The following ATP13A3 variants were observed in gnomAD, a reference collection of about 807,000 sequenced individuals.
The protein encoded by ATP13A3 is ATPase 13A3, also known as polyamine-transporting ATPase 13A3.
Under a neutral mutation model 158.1 loss-of-function variants are expected in ATP13A3, and 59 were observed. The ratio of observed to expected loss-of-function variants is 0.37; its 90% CI spans 0.30 to 0.46. ATP13A3 has a LOEUF of 0.46. Ranked by LOEUF, ATP13A3 falls within the 20% of genes least tolerant of loss-of-function variation. The pLI is 1.00. For synonymous variants in ATP13A3, 491 were observed against 504.3 expected, an observed-to-expected ratio of 0.97 and a Z score of 0.35; for missense variants, 1,166 against 1,525.2, an observed-to-expected ratio of 0.76 and a Z score of 3.92.
At chr3:194,449,306 A>T (rs1375247907) in intron 11 of ATP13A3, among the ~76,000 whole-genome samples, 2 of 152,182 alleles carry the variant, frequency 1.3e-5, no homozygotes, top group Non-Finnish European at 2.9e-5. Flanking sequence ...ACGACTCTTA[A>T]CAGTTTCAAA....
chr3:194,438,898 T>C lies in ATP13A3; in HGVS notation c.1785A>G (p.Lys595=). 1.9e-6 allele frequency: 3 copies of C among 1,610,078 alleles called. No individual in the cohort carries two copies. The South Asian group carries it at 3.3e-5, about 18-fold the overall frequency. The change falls in exon 17 of 34, where the codon AAA becomes AAG. Residue 595 remains lysine, a synonymous_variant. Coordinates refer to ENST00000645319, the MANE Select transcript of ATP13A3 (RefSeq NM_001367549.1). ...RIMPTVVRPP[K]QLLPESTPAG... Reference sequence around the variant, plus strand: ...CAGGGGTAGATTCAGGAAGCAGTTGTTTGGGAGGACGAACCACTGTGGGCA... The same window carrying C: ...CAGGGGTAGATTCAGGAAGCAGTTGCTTGGGAGGACGAACCACTGTGGGCA...
chr3:194,461,602 G>A (rs1393973469), intron 3 of ATP13A3, among the ~76,000 whole-genome samples: 1 of 152,058 alleles, frequency 6.6e-6, no homozygotes, highest in Non-Finnish European at 1.5e-5. Context: ...AAATGCAGGT[G>A]GCCCACTTAA....
At chr3:194,454,823 C>CAAA (rs397875989) in intron 8 of ATP13A3, among the ~76,000 whole-genome samples, 1 of 62,156 alleles carries the variant, frequency 1.6e-5, no homozygotes, top group Non-Finnish European at 3.3e-5. Context: ...GACTCCGTCT[C>CAAA]AAAAAAAAAA....
At chr3:194,422,478 G>A (rs1289083735) in intron 30 of ATP13A3, among the ~76,000 whole-genome samples, 3 of 152,168 alleles carry the variant, frequency 2.0e-5, no homozygotes, top group Non-Finnish European at 4.4e-5. Context: ...ACAAAGCTAT[G>A]TGAATCTAAA....
At position 194,430,291 on chromosome 3, in the gene ATP13A3, A is replaced by G. The variant is rs749408189; in HGVS notation, c.2649T>C (p.Asp883=). ...NVDYFVGMCG[D]GANDCGALKR... Reference sequence around the variant, plus strand: ...TACTTACACCACAATCATTTGCGCCATCACCACACATCCCAACAAAATAAC... The same window carrying G: ...TACTTACACCACAATCATTTGCGCCGTCACCACACATCCCAACAAAATAAC... The change falls in exon 25 of 34, where the codon GAT becomes GAC. Residue 883 remains aspartate, a synonymous_variant. Transcript: ENST00000645319. 1.2e-6 allele frequency: 2 copies of G among 1,613,890 alleles called. No homozygotes were observed. Among genetic ancestry groups the G allele is most frequent in the East Asian group, 2.2e-5 (1 of 44,872 alleles).
chr3:194,456,735 G>A (rs1293483785), intron 7 of ATP13A3, among the ~76,000 whole-genome samples: 1 of 151,948 alleles, frequency 6.6e-6, no homozygotes, highest in Non-Finnish European at 1.5e-5. Flanking sequence ...TCAATTGTAA[G>A]GCATACCATT....
chr3:194,404,748 A>AC lies in ATP13A3; in HGVS notation c.*1170_*1171insG, dbSNP rs954146244. The AC allele has an allele frequency of 2.0e-5, 3 of 151,936 alleles. No homozygotes were observed. The highest frequency in any genetic ancestry group is 7.3e-5 in the African/African-American group (3 of 41,362). The allele number at this position is 151,936 out of a possible 1,614,324, so 9.4% of individuals were successfully genotyped here. A position where few individuals can be genotyped will look rare whatever the true frequency, so the allele number is the denominator to read the frequency against. On this transcript the variant is annotated 3_prime_UTR_variant, in exon 34 of 34. Transcript: ENST00000645319. ...TCAATTTTTTAACTTTATTTCCTCA[A>AC]TTTTTTTTCTCCCAGAAATTTCCGC...
upstream of ATP13A3, among the ~76,000 whole-genome samples, chr3:194,490,444 A>G (rs1041888633): frequency 2.6e-5 from 4 of 152,166 alleles, no homozygotes; most frequent in African/African-American, 9.7e-5. The surrounding 1 kb of genome is among the most constrained non-coding windows in gnomAD (Gnocchi z 4.4). Context: ...CTTTGCTGTT[A>G]GTTTTGATAA....
At position 194,416,445 on chromosome 3, in the gene ATP13A3, G is replaced by A. The variant is rs376534078; in HGVS notation, c.3403-2606C>T. ...TGCACTCCAGCCTGGGCGACAGAGC[G>A]AGACTCCATCTCAAAAAAAAAAGCA... On this transcript the variant is annotated intron_variant, in intron 31 of 33. Transcript: ENST00000645319. 3.6e-4 allele frequency among the ~76,000 whole-genome samples: 54 copies of A among 151,744 alleles called. No individual in the cohort carries two copies. In the East Asian group the frequency reaches 5.4e-3, roughly 15 times the overall value.
At chr3:194,415,068 G>C (rs933864495) in intron 31 of ATP13A3, among the ~76,000 whole-genome samples, 1 of 152,190 alleles carries the variant, frequency 6.6e-6, no homozygotes, top group African/African-American at 2.4e-5. Context: ...AGAGGGAGTG[G>C]AGCCAAAGTG....
intron 14 of ATP13A3, among the ~76,000 whole-genome samples, chr3:194,446,044 C>T (rs1343674152): frequency 1.3e-5 from 2 of 148,310 alleles, no homozygotes; most frequent in African/African-American, 4.9e-5. Context: ...ATAAGAATTA[C>T]TGTCTAAAAA....
At chr3:194,435,647 G>A (rs188571134) in intron 20 of ATP13A3, among the ~76,000 whole-genome samples, 13 of 152,252 alleles carry the variant, frequency 8.5e-5, no homozygotes, top group East Asian at 3.9e-4. Context: ...AGTGGCTCAC[G>A]CCTGTAATCC....
intron 2 of ATP13A3, among the ~76,000 whole-genome samples, chr3:194,480,162 T>A (rs1175397724): frequency 6.6e-6 from 1 of 152,164 alleles, no homozygotes; most frequent in Non-Finnish European, 1.5e-5. Context: ...TCCTTACAAT[T>A]CTCTAAGGTA....
intron 2 of ATP13A3, among the ~76,000 whole-genome samples, chr3:194,483,089 A>G (rs1425529805): frequency 1.3e-5 from 2 of 149,346 alleles, no homozygotes; most frequent in Admixed American, 6.6e-5. Flanking sequence ...CCAGGATGAC[A>G]GTACAAGACT....
chr3:194,478,140 T>C (rs939494111), intron 2 of ATP13A3, among the ~76,000 whole-genome samples: 9 of 152,170 alleles, frequency 5.9e-5, no homozygotes, highest in African/African-American at 1.9e-4. Flanking sequence ...ATTAGCATTC[T>C]AGCAATAATC....
chr3:194,444,026 T>C (rs374150783), intron 15 of ATP13A3, among the ~76,000 whole-genome samples: 18 of 152,312 alleles, frequency 1.2e-4, no homozygotes, highest in African/African-American at 4.1e-4. Context: ...GTAATACTCA[T>C]ATCCATCCAT....
chr3:194,425,542 C>A lies in ATP13A3; in HGVS notation c.3126-13G>T, dbSNP rs1560078004. On this transcript the variant is annotated splice_polypyrimidine_tract_variant and intron_variant, in intron 29 of 33. Coordinates refer to ENST00000645319, the MANE Select transcript of ATP13A3 (RefSeq NM_001367549.1). Reference sequence around the variant, plus strand: ...TGTATTACAAGCACTAGAACACATGCAAAAAATGTCTGCATTAGTAAACAT... The same window carrying A: ...TGTATTACAAGCACTAGAACACATGAAAAAAATGTCTGCATTAGTAAACAT... 4.4e-6 allele frequency: 7 copies of A among 1,582,102 alleles called. No individual in the cohort carries two copies. The highest frequency in any genetic ancestry group is 1.9e-5 in the Admixed American group (1 of 52,222).
At chr3:194,462,646 C>G (rs948651498) in intron 2 of ATP13A3, among the ~76,000 whole-genome samples, 2 of 152,196 alleles carry the variant, frequency 1.3e-5, no homozygotes, top group African/African-American at 4.8e-5. Flanking sequence ...TTTATACCAT[C>G]GAAGTGTTCT....
intron 2 of ATP13A3, among the ~76,000 whole-genome samples, chr3:194,483,646 A>G (rs967683092): frequency 1.3e-5 from 2 of 152,176 alleles, no homozygotes; most frequent in African/African-American, 4.8e-5. Flanking sequence ...TAGGCCAATT[A>G]GCTTCATTTT....
Sources: gnomAD v4.1 joint callset for allele counts (sites outside exome capture counted in the v4.1 genomes callset) on GRCh38, gnomAD v4.1.1 for gene constraint, Gnocchi (gnomAD v3.1) non-coding constraint, MANE v1.5 for transcripts, NCBI Gene and HGNC (gene_info 2026-07-23, HGNC 2026-07-21) for gene names.